MEP1A: variants seen among roughly 807,000 people sequenced by gnomAD.
MEP1A encodes the protein meprin A subunit alpha.
A neutral mutation model predicts 84.5 loss-of-function variants in MEP1A; 68 were observed. The observed-to-expected ratio is 0.80, with a 90% CI of 0.66 to 0.98. The LOEUF (loss-of-function observed/expected upper bound fraction) is 0.98. MEP1A is among the 50% of genes least tolerant of loss of function. The pLI, the probability that MEP1A is intolerant of heterozygous loss-of-function variation, is 0.00. For synonymous variants in MEP1A, 337 were observed against 336.8 expected (o/e 1.00, Z -0.01); for missense variants, 887 against 919.9 (o/e 0.96, Z 0.46).
intron 7 of MEP1A, among the ~76,000 whole-genome samples, chr6:46,822,280 CT>C (rs1767796822): frequency 6.6e-6 from 1 of 152,070 alleles, no homozygotes; most frequent in Non-Finnish European, 1.5e-5. Flanking sequence ...TTTCTATCTA[CT>C]CTAGAACAGG....
chr6:46,806,138 A>G (rs966053598), intron 5 of MEP1A, among the ~76,000 whole-genome samples: 2 of 152,034 alleles, frequency 1.3e-5, no homozygotes, highest in African/African-American at 2.4e-5. Context: ...CAAGTATACA[A>G]TAGAGATTTA....
Position 46,821,330 on chromosome 6 carries a change from C to A in MEP1A, c.556+1626C>A, listed in dbSNP as rs541056754. On this transcript the variant is annotated intron_variant, in intron 7 of 13. Coordinates refer to ENST00000230588, the MANE Select transcript of MEP1A (RefSeq NM_005588.3). ...ACATACTCCGACCATCTTACCACCA[C>A]CCACTGAACCAGAGGCCAGATAGCA... Among the ~76,000 whole-genome samples the A allele has an allele frequency of 3.3e-5, 5 of 152,304 alleles. No individual in the cohort carries two copies. In the East Asian group the frequency reaches 9.6e-4, roughly 29 times the overall value.
intron 5 of MEP1A, among the ~76,000 whole-genome samples, chr6:46,806,058 C>A (rs1489420868): frequency 1.3e-5 from 2 of 151,786 alleles, no homozygotes; most frequent in African/African-American, 4.8e-5. Flanking sequence ...TCATTGGGTT[C>A]TTTTATATAA....
downstream of MEP1A, among the ~76,000 whole-genome samples, chr6:46,844,716 G>A (rs1212736984): frequency 2.6e-5 from 4 of 152,180 alleles, no homozygotes; most frequent in Non-Finnish European, 4.4e-5. Flanking sequence ...TCTTTTCTCA[G>A]TAATAGAATC....
At chr6:46,827,456 T>C (rs1767973936) in intron 9 of MEP1A, among the ~76,000 whole-genome samples, 1 of 152,234 alleles carries the variant, frequency 6.6e-6, no homozygotes, top group Non-Finnish European at 1.5e-5. Flanking sequence ...GTGCCTGCCA[T>C]TGAAATCATC....
At chr6:46,811,034 T>C (rs533604449) in intron 6 of MEP1A, among the ~76,000 whole-genome samples, 24 of 152,226 alleles carry the variant, frequency 1.6e-4, no homozygotes, top group African/African-American at 5.5e-4. Context: ...GGGAATTGTA[T>C]AGAATTTGTA....
At chr6:46,813,103 A>G (rs1336986910) in intron 6 of MEP1A, among the ~76,000 whole-genome samples, 1 of 151,928 alleles carries the variant, frequency 6.6e-6, no homozygotes. Context: ...CATCCACCTC[A>G]TTTCTTAGGT....
chr6:46,811,062 G>A (rs1767487800), intron 6 of MEP1A, among the ~76,000 whole-genome samples: 1 of 151,842 alleles, frequency 6.6e-6, no homozygotes, highest in Non-Finnish European at 1.5e-5. Flanking sequence ...TTTGGCAATT[G>A]TGTTCACTTT....
chr6:46,818,731 A>G (rs1767697883), intron 6 of MEP1A, among the ~76,000 whole-genome samples: 1 of 152,158 alleles, frequency 6.6e-6, no homozygotes, highest in Non-Finnish European at 1.5e-5. Context: ...TAGATCTGCT[A>G]TTTCCGAAGA....
intron 10 of MEP1A, 81 bp downstream of exon 10, chr6:46,829,652 C>A: frequency 1.0e-6 from 1 of 982,172 alleles, no homozygotes; most frequent in Non-Finnish European, 1.6e-6. Context: ...CTCTTTCCTC[C>A]TACTCCTCCT....
At chr6:46,845,058 T>C in the MEP1A span, among the ~76,000 whole-genome samples, 3 of 152,206 alleles carry the variant, frequency 2.0e-5, no homozygotes, top group Admixed American at 6.5e-5. Context: ...GATTGTAAGT[T>C]TCCTGAGGCT....
intron 3 of MEP1A, among the ~76,000 whole-genome samples, chr6:46,795,437 A>G (rs1767029774): frequency 6.6e-6 from 1 of 151,926 alleles, no homozygotes. Flanking sequence ...AGTAGCTGGG[A>G]TTATAGGTGC....
chr6:46,808,803 G>T (rs1767421880), intron 5 of MEP1A, among the ~76,000 whole-genome samples: 2 of 152,034 alleles, frequency 1.3e-5, no homozygotes, highest in Non-Finnish European at 2.9e-5. Context: ...AAGGCTCTGT[G>T]CAGTACTAGC....
Position 46,833,457 on chromosome 6 carries a change from A to C in MEP1A, c.1528A>C (p.Ile510Leu). The C allele has an allele frequency of 6.2e-7, 1 of 1,614,158 alleles. No homozygotes were observed. The highest frequency in any genetic ancestry group is 8.5e-7 in the Non-Finnish European group (1 of 1,180,036). ...AGAAAACAGACAGGTGATAATTACC[A>C]TCCTTGACCAGGAGCCTGATGTCCG... Reference protein sequence around the residue: ...PVENRQVIITILDQEPDVRNR... With the variant: ...PVENRQVIITLLDQEPDVRNR... The change falls in exon 11 of 14, where the codon ATC (isoleucine) becomes CTC (leucine). Residue 510 changes from isoleucine to leucine, a missense_variant. Coordinates refer to ENST00000230588, the MANE Select transcript of MEP1A (RefSeq NM_005588.3).
At chr6:46,815,118 G>A (rs967730151) in intron 6 of MEP1A, among the ~76,000 whole-genome samples, 17 of 152,152 alleles carry the variant, frequency 1.1e-4, no homozygotes, top group African/African-American at 4.1e-4. Context: ...AAGTATTCAG[G>A]TTTCTCAGCT....
At chr6:46,824,992 A>T (rs1352558497) in intron 7 of MEP1A, among the ~76,000 whole-genome samples, 1 of 125,466 alleles carries the variant, frequency 8.0e-6, no homozygotes, top group African/African-American at 3.1e-5. Flanking sequence ...ATATATTTAA[A>T]TAGATCTATT....
intron 3 of MEP1A, among the ~76,000 whole-genome samples, chr6:46,795,303 T>C (rs1256885259): frequency 6.6e-6 from 1 of 152,134 alleles, no homozygotes; most frequent in Admixed American, 6.5e-5. Context: ...TTTTCTCTTT[T>C]CTTTTCTTTT....
rs766760840 is a variant in MEP1A at position 46,829,591 on chromosome 6, C to T, written c.1144+20C>T. 3.2e-6 allele frequency: 5 copies of T among 1,580,966 alleles called. No homozygotes were observed. The highest frequency in any genetic ancestry group is 4.3e-6 in the Non-Finnish European group (5 of 1,150,110). ...TTCAAGGTACTTAGAGGCATTCACA[C>T]GAGGAATGGATTGGGTTAAAATCCG... On this transcript the variant is annotated intron_variant, in intron 10 of 13. Coordinates refer to ENST00000230588, the MANE Select transcript of MEP1A (RefSeq NM_005588.3).
chr6:46,795,884 T>C (rs888653260), intron 3 of MEP1A, among the ~76,000 whole-genome samples: 13 of 152,204 alleles, frequency 8.5e-5, no homozygotes, highest in Non-Finnish European at 1.5e-5. Context: ...CAGGCCAAAG[T>C]GATCTGTGTC....
Sources: gnomAD v4.1 joint callset for allele counts (sites outside exome capture counted in the v4.1 genomes callset) on GRCh38, gnomAD v4.1.1 for gene constraint, MANE v1.5 for transcripts, NCBI Gene and HGNC (gene_info 2026-07-23, HGNC 2026-07-21) for gene names.